Variants in CREBL2 observed in about 807,000 individuals in gnomAD.
The protein encoded by CREBL2 is cAMP responsive element binding protein like 2.
CREBL2 carries 4 observed loss-of-function variants against 19.5 expected under a neutral mutation model. That is an observed-to-expected ratio of 0.20 (90% confidence interval 0.10 to 0.47). CREBL2 has a LOEUF of 0.47. Ranked by LOEUF, CREBL2 falls within the 20% of genes least tolerant of loss-of-function variation. The probability of loss-of-function intolerance (pLI) is 0.98; values close to 1 mark genes in which losing one functional copy is unlikely to be tolerated. For synonymous variants in CREBL2, 42 were observed against 46.6 expected, an observed-to-expected ratio of 0.90 and a Z score of 0.40; for missense variants, 85 against 145.1, an observed-to-expected ratio of 0.59 and a Z score of 2.13.
chr12:12,612,140 G>C lies in CREBL2; in HGVS notation c.-33G>C. On this transcript the variant is annotated 5_prime_UTR_variant, in exon 1 of 4. Coordinates refer to ENST00000228865, the MANE Select transcript of CREBL2 (RefSeq NM_001310.4). ...CTGAGCCGGGGGAGGGCTCCGGGAG[G>C]GAGTGCCTGGCCAGGCCGGCCTGTC... The C allele has an allele frequency of 6.2e-7, 1 of 1,610,262 alleles. No individual in the cohort carries two copies. The highest frequency in any genetic ancestry group is 8.5e-7 in the Non-Finnish European group (1 of 1,179,702).
chr12:12,631,300 G>T (rs571822446), intron 1 of CREBL2, among the ~76,000 whole-genome samples: 1 of 152,070 alleles, frequency 6.6e-6, no homozygotes, highest in Non-Finnish European at 1.5e-5. Flanking sequence ...GTTTCCCTTG[G>T]GCTCACTGTC....
chr12:12,638,707 A>C (rs1297709408), intron 3 of CREBL2, among the ~76,000 whole-genome samples: 2 of 152,174 alleles, frequency 1.3e-5, no homozygotes, highest in African/African-American at 4.8e-5. Flanking sequence ...TTATAGATGA[A>C]AAAATAGCAG....
chr12:12,614,770 CT>C, intron 1 of CREBL2: 11 of 349,894 alleles, frequency 3.1e-5, no homozygotes, highest in South Asian at 4.9e-5. Flanking sequence ...GAATCTTTCC[CT>C]TTTTTGTTTA....
intron 3 of CREBL2, among the ~76,000 whole-genome samples, chr12:12,638,436 CAAAAA>C (rs1387501049): frequency 1.4e-5 from 2 of 146,324 alleles, no homozygotes; most frequent in Non-Finnish European, 3.0e-5. Flanking sequence ...GACCTCGTCT[CAAAAA>C]AAAAGAAAAA....
At chr12:12,639,247 G>A (rs899101975) in intron 3 of CREBL2, among the ~76,000 whole-genome samples, 12 of 152,128 alleles carry the variant, frequency 7.9e-5, no homozygotes, top group African/African-American at 2.4e-4. Flanking sequence ...ATTGTGAGTA[G>A]TACTGCTGTG....
rs1282696989 is a variant in CREBL2, at chr12:12,643,861, G to A, written c.*1863G>A. 1 of 152,594 alleles carries A rather than the reference G, an allele frequency of 6.6e-6. No individual in the cohort carries two copies. The highest frequency in any genetic ancestry group is 1.5e-5 in the Non-Finnish European group (1 of 68,028). 9.5% of individuals were successfully genotyped at this position (152,594 alleles called of 1,614,324 possible). A position where few individuals can be genotyped will look rare whatever the true frequency, so the allele number is the denominator to read the frequency against. On this transcript the variant is annotated 3_prime_UTR_variant, in exon 4 of 4. Transcript: ENST00000228865. ...GGGTTTTAAATATAGCATTCAGATT[G>A]TAATTGGTATGTTTTTGCCATCTGG...
In CREBL2 at chr12:12,637,699, G is replaced by C; in HGVS notation, c.343G>C (p.Ala115Pro). Residue 115 changes from alanine (A) to proline (P), a missense_variant, in exon 3 of 4, where the codon GCT becomes CCT. Ala to Pro is a conservative substitution (Grantham distance 27). This residue lies in a region of CREBL2 where 42 missense variants were observed against 38.4 expected (regional missense o/e 1.09). Coordinates refer to ENST00000228865, the MANE Select transcript of CREBL2 (RefSeq NM_001310.4). ...GCATACCAAGGCTGGGAAGACAGAT[G>C]CTAATAGCAATTCCTGTAAGTGCCA... is the stretch of plus-strand genomic sequence containing the variant. ...SRHTKAGKTDANSNSW is the reference protein window; with the variant it reads ...SRHTKAGKTDPNSNSW 1.9e-6 allele frequency: 3 copies of C among 1,610,994 alleles called. No homozygotes were observed. The highest frequency in any genetic ancestry group is 2.5e-6 in the Non-Finnish European group (3 of 1,179,044).
At chr12:12,629,780 T>C (rs1193382350) in intron 1 of CREBL2, among the ~76,000 whole-genome samples, 3 of 152,140 alleles carry the variant, frequency 2.0e-5, no homozygotes, top group Non-Finnish European at 4.4e-5. Flanking sequence ...GGAAGTTTCC[T>C]CCTATTTCTA....
At chr12:12,613,699 C>G (rs1045705679) in intron 1 of CREBL2, among the ~76,000 whole-genome samples, 4 of 152,118 alleles carry the variant, frequency 2.6e-5, no homozygotes, top group Non-Finnish European at 4.4e-5. Flanking sequence ...AGGAAGCTAT[C>G]AGCTCATAAG....
At position 12,612,154 on chromosome 12, in the gene CREBL2, G is replaced by C; in HGVS notation, c.-19G>C. 1.2e-6 allele frequency: 2 copies of C among 1,612,016 alleles called. No individual in the cohort carries two copies. Among genetic ancestry groups the C allele is most frequent in the Non-Finnish European group, 1.7e-6 (2 of 1,180,002 alleles). On this transcript the variant is annotated 5_prime_UTR_variant, in exon 1 of 4. Transcript: ENST00000228865. ...GGCTCCGGGAGGGAGTGCCTGGCCA[G>C]GCCGGCCTGTCTGCCGCGATGGATG...
At chr12:12,612,280 C>T in intron 1 of CREBL2, 93 bp downstream of exon 1, 3 of 1,601,688 alleles carry the variant, frequency 1.9e-6, no homozygotes, top group African/African-American at 1.3e-5. Flanking sequence ...CGCCAACACC[C>T]AAGAGACACC....
chr12:12,620,650 C>T (rs1342436322), intron 1 of CREBL2, among the ~76,000 whole-genome samples: 1 of 152,110 alleles, frequency 6.6e-6, no homozygotes, highest in Non-Finnish European at 1.5e-5. Flanking sequence ...TTTAAATAAC[C>T]TTAATCTAAG....
chr12:12,628,137 C>T (rs1945417000), intron 1 of CREBL2, among the ~76,000 whole-genome samples: 1 of 152,166 alleles, frequency 6.6e-6, no homozygotes, highest in Admixed American at 6.5e-5. Context: ...ACCTCAGCCT[C>T]CCAAAGTGCT....
At chr12:12,631,305 A>C (rs1179694551) in intron 1 of CREBL2, among the ~76,000 whole-genome samples, 1 of 152,208 alleles carries the variant, frequency 6.6e-6, no homozygotes, top group African/African-American at 2.4e-5. Flanking sequence ...CCTTGGGCTC[A>C]CTGTCCGCAT....
intron 1 of CREBL2, among the ~76,000 whole-genome samples, chr12:12,616,417 C>G (rs1945311978): frequency 1.3e-5 from 2 of 152,210 alleles, no homozygotes; most frequent in South Asian, 4.1e-4. Context: ...TTGATTCTCA[C>G]TCTTTATTAA....
chr12:12,641,111 A>G (rs1053766396), intron 3 of CREBL2, among the ~76,000 whole-genome samples: 3 of 151,732 alleles, frequency 2.0e-5, no homozygotes, highest in Admixed American at 6.6e-5. Flanking sequence ...TGTCCAAGCA[A>G]CATTTGTTGA....
chr12:12,621,664 A>T (rs1945361345), intron 1 of CREBL2, among the ~76,000 whole-genome samples: 1 of 152,206 alleles, frequency 6.6e-6, no homozygotes, highest in African/African-American at 2.4e-5. Flanking sequence ...CAGGGACCAA[A>T]TTACAATATA....
intron 1 of CREBL2, among the ~76,000 whole-genome samples, chr12:12,626,365 C>T (rs1259368282): frequency 1.3e-5 from 2 of 152,124 alleles, no homozygotes; most frequent in East Asian, 3.8e-4. Context: ...GCAATCCCTC[C>T]CTTGATTAAA....
At chr12:12,637,749 A>G in intron 3 of CREBL2, 35 bp downstream of exon 3, 1 of 1,581,216 alleles carries the variant, frequency 6.3e-7, no homozygotes, top group Non-Finnish European at 8.6e-7. Flanking sequence ...TATATTTAAG[A>G]GAGTGTCTCG....
Sources: gnomAD v4.1 joint callset for allele counts (sites outside exome capture counted in the v4.1 genomes callset) on GRCh38, gnomAD v4.1.1 for gene constraint, gnomAD v4.1.1 regional missense constraint, MANE v1.5 for transcripts, NCBI Gene and HGNC (gene_info 2026-07-23, HGNC 2026-07-21) for gene names.